Variants in PHF24 observed in about 807,000 individuals in gnomAD.
PHF24 encodes Galpha inhibitory interacting protein.
A neutral mutation model predicts 42.6 loss-of-function variants in PHF24; 25 were observed. The ratio of observed to expected loss-of-function variants is 0.59; its 90% CI spans 0.43 to 0.82. PHF24 has a LOEUF of 0.82. Among genes scored for constraint, PHF24 ranks in the 40% least tolerant of loss-of-function variants. PHF24 has a pLI of 0.00. For missense variants in PHF24, 470 were observed against 538.1 expected, an observed-to-expected ratio of 0.87 and a Z score of 1.25; for synonymous variants, 185 against 204.8, an observed-to-expected ratio of 0.90 and a Z score of 0.83.
At chr9:34,890,163 C>A in the PHF24 span, among the ~76,000 whole-genome samples, 2 of 152,168 alleles carry the variant, frequency 1.3e-5, no homozygotes, top group African/African-American at 4.8e-5. Context: ...ATATATTTGG[C>A]AAGTTGTGAG....
the PHF24 span, among the ~76,000 whole-genome samples, chr9:34,706,148 T>C: frequency 6.6e-6 from 1 of 152,152 alleles, no homozygotes; most frequent in Non-Finnish European, 1.5e-5. Context: ...ATAGTCAAAA[T>C]AATGTAATAT....
chr9:34,825,848 C>G, the PHF24 span, among the ~76,000 whole-genome samples: 1 of 152,156 alleles, frequency 6.6e-6, no homozygotes, highest in African/African-American at 2.4e-5. Context: ...CTGATACACC[C>G]TAGCTGCTAG....
the PHF24 span, chr9:34,709,829 G>A: frequency 1.4e-5 from 23 of 1,614,040 alleles, no homozygotes; most frequent in Non-Finnish European, 1.9e-5. Context: ...CGGTAGCTGC[G>A]GACAACCTTG....
chr9:34,779,725 T>C, the PHF24 span, among the ~76,000 whole-genome samples: 6 of 152,100 alleles, frequency 3.9e-5, no homozygotes, highest in African/African-American at 1.4e-4. Context: ...GGTCAATTGT[T>C]TTGTTTTGTT....
At chr9:34,942,291 A>G in the PHF24 span, among the ~76,000 whole-genome samples, 1 of 152,194 alleles carries the variant, frequency 6.6e-6, no homozygotes, top group Admixed American at 6.5e-5. Flanking sequence ...TGTTGCTTCC[A>G]GATCCCAAAG....
the PHF24 span, among the ~76,000 whole-genome samples, chr9:34,853,550 C>T: frequency 8.7e-4 from 131 of 150,594 alleles, no homozygotes; most frequent in African/African-American, 2.8e-3. Flanking sequence ...CCAGCTCGGC[C>T]GGGCGCGGTG....
chr9:34,981,360 T>C (rs1333583951), exon 8 of PHF24: 2 of 152,268 alleles, frequency 1.3e-5, no homozygotes, highest in South Asian at 2.1e-4. Flanking sequence ...GGACACCTCC[T>C]TGGGGGAGTG....
chr9:34,825,731 T>C, the PHF24 span, among the ~76,000 whole-genome samples: 1 of 152,146 alleles, frequency 6.6e-6, no homozygotes, highest in Admixed American at 6.5e-5. Context: ...TTGTGCTTAC[T>C]CTGAACTCTT....
At chr9:34,778,741 T>C in the PHF24 span, among the ~76,000 whole-genome samples, 2 of 151,804 alleles carry the variant, frequency 1.3e-5, no homozygotes, top group Non-Finnish European at 2.9e-5. Flanking sequence ...ACAGAAGACA[T>C]AAACAACATT....
intron 4 of PHF24, 74 bp downstream of exon 4, chr9:34,976,304 A>T: frequency 3.8e-6 from 5 of 1,300,360 alleles, no homozygotes; most frequent in Non-Finnish European, 5.6e-6. Context: ...AGAATGAACC[A>T]TGAAAGGAGT....
At chr9:34,886,407 A>T in the PHF24 span, among the ~76,000 whole-genome samples, 1 of 152,060 alleles carries the variant, frequency 6.6e-6, no homozygotes, top group Non-Finnish European at 1.5e-5. Context: ...CGGTTCCTCC[A>T]CCTGAGGCTA....
At chr9:34,967,194 T>G (rs1308310947) in intron 1 of PHF24, among the ~76,000 whole-genome samples, 1 of 152,264 alleles carries the variant, frequency 6.6e-6, no homozygotes, top group Non-Finnish European at 1.5e-5. Flanking sequence ...AATAAACTGT[T>G]CATCTTTCAC....
At chr9:34,880,771 C>G in the PHF24 span, among the ~76,000 whole-genome samples, 1 of 152,100 alleles carries the variant, frequency 6.6e-6, no homozygotes, top group Non-Finnish European at 1.5e-5. Flanking sequence ...GGCTTTAACA[C>G]CCCACTGTCA....
the PHF24 span, among the ~76,000 whole-genome samples, chr9:34,670,922 C>T: frequency 4.6e-5 from 7 of 152,188 alleles, no homozygotes; most frequent in Non-Finnish European, 8.8e-5. Context: ...CCAGACCTCC[C>T]TGGGCCTATC....
chr9:34,969,396 C>A (rs934571640), intron 1 of PHF24, among the ~76,000 whole-genome samples: 1 of 152,158 alleles, frequency 6.6e-6, no homozygotes, highest in Non-Finnish European at 1.5e-5. Context: ...AATCCCAGCA[C>A]TTTAGGAGGC....
the PHF24 span, among the ~76,000 whole-genome samples, chr9:34,738,748 A>G: frequency 2.7e-4 from 41 of 152,218 alleles, no homozygotes; most frequent in African/African-American, 2.4e-4. Flanking sequence ...TCTTTCTGAT[A>G]TAAGAGACGG....
At chr9:34,934,331 C>T in the PHF24 span, among the ~76,000 whole-genome samples, 1 of 152,186 alleles carries the variant, frequency 6.6e-6, no homozygotes, top group African/African-American at 2.4e-5. Context: ...GAGTGCCGTA[C>T]AAATGCAAAA....
exon 8 of PHF24, chr9:34,981,107 G>A (rs1433422880): frequency 6.6e-6 from 1 of 152,242 alleles, no homozygotes; most frequent in African/African-American, 2.4e-5. Context: ...CCTCACTCTA[G>A]GTACTGATCT....
At chr9:34,900,414 C>T in the PHF24 span, among the ~76,000 whole-genome samples, 2 of 152,082 alleles carry the variant, frequency 1.3e-5, no homozygotes, top group Non-Finnish European at 2.9e-5. Flanking sequence ...GCCTGGGCAA[C>T]ATGGCAAAAC....
Sources: allele counts gnomAD v4.1 joint callset (sites outside exome capture counted in the v4.1 genomes callset), GRCh38; gene constraint gnomAD v4.1.1; transcripts MANE v1.5; gene names NCBI Gene and HGNC (gene_info 2026-07-23, HGNC 2026-07-21).